SULF1: variants seen among roughly 807,000 people sequenced by gnomAD.
The protein encoded by SULF1 is sulfatase 1.
In SULF1, 46 loss-of-function variants were observed where a neutral mutation model predicts 110.5. The observed-to-expected ratio is 0.42, with a 90% CI of 0.33 to 0.53. The LOEUF is 0.53. SULF1 is among the 20% of genes least tolerant of loss of function. SULF1 has a pLI of 0.12. For synonymous variants in SULF1, 371 were observed against 387.1 expected (o/e 0.96, Z 0.49); for missense variants, 941 against 1,094.2 (o/e 0.86, Z 1.98).
chr8:69,599,591 G>T (rs1041182623), intron 8 of SULF1, among the ~76,000 whole-genome samples: 1 of 152,146 alleles, frequency 6.6e-6, no homozygotes, highest in Non-Finnish European at 1.5e-5. Context: ...AAAATGGTTT[G>T]CATAATACCC....
intron 13 of SULF1, among the ~76,000 whole-genome samples, chr8:69,620,718 G>A (rs911180081): frequency 6.6e-6 from 1 of 152,126 alleles, no homozygotes; most frequent in East Asian, 1.9e-4. Context: ...GTGAACTAAC[G>A]GCTTTTACGT....
chr8:69,638,152 A>C (rs1362180686), intron 19 of SULF1: 1 of 220,478 alleles, frequency 4.5e-6, no homozygotes, highest in South Asian at 8.0e-5. Flanking sequence ...CTTTTGTACA[A>C]AGAATAAATA....
At chr8:69,636,388 T>G (rs1196099545) in intron 19 of SULF1, among the ~76,000 whole-genome samples, 1 of 151,854 alleles carries the variant, frequency 6.6e-6, no homozygotes, top group Non-Finnish European at 1.5e-5. Flanking sequence ...TACAAAAAAA[T>G]TAACTGGGGG....
chr8:69,570,146 A>G (rs919819650), intron 5 of SULF1, among the ~76,000 whole-genome samples: 7 of 152,148 alleles, frequency 4.6e-5, no homozygotes, highest in African/African-American at 9.7e-5. Flanking sequence ...GACATCGACA[A>G]ACACCCCTCC....
chr8:69,640,342 C>T (rs992555060), intron 21 of SULF1, among the ~76,000 whole-genome samples: 1 of 152,122 alleles, frequency 6.6e-6, no homozygotes, highest in South Asian at 2.1e-4. Flanking sequence ...GAAATCTGAT[C>T]GAGTCCCTTA....
intron 13 of SULF1, among the ~76,000 whole-genome samples, chr8:69,615,598 G>A (rs1188810419): frequency 6.6e-6 from 1 of 151,858 alleles, no homozygotes; most frequent in Non-Finnish European, 1.5e-5. Flanking sequence ...AGTATGTATG[G>A]ATAATATGTT....
intron 3 of SULF1, among the ~76,000 whole-genome samples, chr8:69,514,804 C>A (rs906781122): frequency 6.6e-6 from 1 of 152,234 alleles, no homozygotes; most frequent in Non-Finnish European, 1.5e-5. Context: ...AAAAGAGTTA[C>A]AAGCCCCATG....
chr8:69,470,742 A>G (rs1809048752), intron 1 of SULF1, among the ~76,000 whole-genome samples: 1 of 152,170 alleles, frequency 6.6e-6, no homozygotes, highest in Non-Finnish European at 1.5e-5. Flanking sequence ...CTTACTACCC[A>G]TAAAATGAAT....
At chr8:69,516,551 A>T (rs1236752209) in intron 3 of SULF1, among the ~76,000 whole-genome samples, 1 of 152,246 alleles carries the variant, frequency 6.6e-6, no homozygotes, top group Admixed American at 6.5e-5. Flanking sequence ...AAACCATATC[A>T]TACCTCTTGG....
At chr8:69,515,005 T>C (rs1381189497) in intron 3 of SULF1, among the ~76,000 whole-genome samples, 1 of 152,182 alleles carries the variant, frequency 6.6e-6, no homozygotes, top group Non-Finnish European at 1.5e-5. Flanking sequence ...TGAGTGCCTG[T>C]GGCTTTTGTA....
intron 18 of SULF1, among the ~76,000 whole-genome samples, chr8:69,629,298 T>C (rs959578332): frequency 6.6e-6 from 1 of 152,172 alleles, no homozygotes; most frequent in South Asian, 2.1e-4. Flanking sequence ...CCTCCCAAAG[T>C]GCTGGGATTA....
rs112113558 is a variant in SULF1, at chr8:69,503,941, A to C, written c.-134+1973A>C. Among the ~76,000 whole-genome samples, 461 of 152,204 alleles carry C rather than the reference A, an allele frequency of 3.0e-3. 2 individuals are homozygous for C. Among genetic ancestry groups the C allele is most frequent in the African/African-American group, 0.01 (432 of 41,552 alleles). ...CAGCCTCCCAAGTAGCTGGAACTAC[A>C]GACACGTGCCACCACGCCTGGTTAA... On this transcript the variant is annotated intron_variant, in intron 3 of 22. Coordinates refer to ENST00000402687, the MANE Select transcript of SULF1 (RefSeq NM_001128205.2).
At chr8:69,604,407 C>T (rs1485719293) in intron 12 of SULF1, among the ~76,000 whole-genome samples, 1 of 152,118 alleles carries the variant, frequency 6.6e-6, no homozygotes, top group African/African-American at 2.4e-5. Context: ...TAATTATTTC[C>T]ATTGTCACTT....
intron 3 of SULF1, among the ~76,000 whole-genome samples, chr8:69,518,581 G>GT: frequency 6.6e-6 from 1 of 152,214 alleles, no homozygotes; most frequent in Middle Eastern, 3.4e-3. Flanking sequence ...TTTAAAACTT[G>GT]TTTTTAAGTT....
rs1812937903 is a variant in SULF1 at position 69,659,036 on chromosome 8, CAG to C, written c.*504_*505del. ...ACCGATTTCAGTGGCGATGGCATGA[CAG>C]AGCTAGAGCTCGGGCCCAGCCCCAG... On this transcript the variant is annotated 3_prime_UTR_variant, in exon 23 of 23. Transcript: ENST00000402687. 1 of 457,034 alleles carries C rather than the reference CAG, an allele frequency of 2.2e-6. No individual in the cohort carries two copies. The highest frequency in any genetic ancestry group is 4.4e-6 in the Non-Finnish European group (1 of 227,126). 28.3% of individuals were successfully genotyped at this position (457,034 alleles called of 1,614,324 possible).
intron 3 of SULF1, among the ~76,000 whole-genome samples, chr8:69,541,359 T>A (rs1008274837): frequency 6.6e-6 from 1 of 152,180 alleles, no homozygotes; most frequent in Non-Finnish European, 1.5e-5. Flanking sequence ...CCTGCCAGTG[T>A]CGCTGAAGGA....
chr8:69,628,801 T>C (rs1248914724), intron 18 of SULF1, among the ~76,000 whole-genome samples: 1 of 152,204 alleles, frequency 6.6e-6, no homozygotes, highest in African/African-American at 2.4e-5. Context: ...TTTTTAAACT[T>C]TTTAATCCAA....
chr8:69,517,197 G>C (rs1317070005), intron 3 of SULF1, among the ~76,000 whole-genome samples: 1 of 152,114 alleles, frequency 6.6e-6, no homozygotes, highest in Non-Finnish European at 1.5e-5. Context: ...AAAGAATGGG[G>C]CAAAACTTCT....
intron 13 of SULF1, among the ~76,000 whole-genome samples, chr8:69,616,430 C>T (rs969085628): frequency 6.6e-6 from 1 of 151,804 alleles, no homozygotes; most frequent in Non-Finnish European, 1.5e-5. Context: ...GAAACAGAAT[C>T]TTGCTCTGTC....
Sources: gnomAD v4.1 joint callset for allele counts (sites outside exome capture counted in the v4.1 genomes callset) on GRCh38, gnomAD v4.1.1 for gene constraint, MANE v1.5 for transcripts, NCBI Gene and HGNC (gene_info 2026-07-23, HGNC 2026-07-21) for gene names.